Variants in LASP1 observed in about 807,000 individuals in gnomAD.
LASP1 encodes LIM and SH3 domain protein 1.
A neutral mutation model predicts 38.6 loss-of-function variants in LASP1; 10 were observed. The ratio of observed to expected loss-of-function variants is 0.26; its 90% CI spans 0.16 to 0.44. The LOEUF (loss-of-function observed/expected upper bound fraction) is 0.44, where lower values mean the gene tolerates loss of function less well. Among genes scored for constraint, LASP1 ranks in the 20% least tolerant of loss-of-function variants. The pLI is 1.00. For missense variants in LASP1, 243 were observed against 375.7 expected (o/e 0.65, Z 2.92); for synonymous variants, 132 against 140.8 (o/e 0.94, Z 0.44).
At chr17:38,897,404 G>A (rs2143786933) in intron 3 of LASP1, among the ~76,000 whole-genome samples, 1 of 152,346 alleles carries the variant, frequency 6.6e-6, no homozygotes, top group South Asian at 2.1e-4. Context: ...GGACAGTGCA[G>A]CCCCCGTGGA....
chr17:38,892,676 A>G (rs1050971914), intron 3 of LASP1, among the ~76,000 whole-genome samples: 1 of 151,822 alleles, frequency 6.6e-6, no homozygotes, highest in East Asian at 1.9e-4. Context: ...CCGGCACCCT[A>G]TCCCCGAGGG....
rs77956100 is a variant in LASP1, at chr17:38,902,594, T to G, written c.357+4075T>G. 7.0e-4 allele frequency among the ~76,000 whole-genome samples: 106 copies of G among 152,252 alleles called. 1 individual carries two copies. The East Asian group carries it at 0.015, about 22-fold the overall frequency. On this transcript the variant is annotated intron_variant, in intron 4 of 6. Coordinates refer to ENST00000318008, the MANE Select transcript of LASP1 (RefSeq NM_006148.4). ...AAATAGGGTGTTTAGAGCCACACCT[T>G]TTGTTTTGTATCCAAAATAGCATTC...
chr17:38,896,806 C>T lies in LASP1; in HGVS notation c.250-1606C>T, dbSNP rs980271157. 3.1e-5 allele frequency: 17 copies of T among 541,622 alleles called. No homozygotes were observed. The East Asian group carries it at 2.0e-3, about 63-fold the overall frequency. The allele number at this position is 541,622 out of a possible 1,614,324, so 33.6% of individuals were successfully genotyped here. On this transcript the variant is annotated intron_variant, in intron 3 of 6. Transcript: ENST00000318008. ...ACTCAGAAGTGGGAGACTGAGCCTG[C>T]GTTAGTGCTAGCTCCGCCTGGCTTT...
At chr17:38,904,185 A>G (rs1914717084) in intron 4 of LASP1, among the ~76,000 whole-genome samples, 1 of 152,204 alleles carries the variant, frequency 6.6e-6, no homozygotes, top group Non-Finnish European at 1.5e-5. Flanking sequence ...ACAGTGTTAA[A>G]AATATAACTC....
At chr17:38,884,404 T>C (rs1346458483) in intron 2 of LASP1, among the ~76,000 whole-genome samples, 1 of 151,506 alleles carries the variant, frequency 6.6e-6, no homozygotes, top group African/African-American at 2.4e-5. Flanking sequence ...TTTTATTTTT[T>C]GAGACAGAGT....
chr17:38,876,022 G>A (rs1376700878), intron 1 of LASP1, among the ~76,000 whole-genome samples: 1 of 152,072 alleles, frequency 6.6e-6, no homozygotes, highest in Non-Finnish European at 1.5e-5. Flanking sequence ...TCCTGGCAGT[G>A]GACCCCTGTT....
chr17:38,919,039 G>GCCCGT lies in LASP1; in HGVS notation c.*261_*262insCCCGT. The GCCCGT allele has an allele frequency of 4.0e-5, 4 of 99,254 alleles. No homozygotes were observed. The highest frequency in any genetic ancestry group is 5.1e-5 in the Non-Finnish European group (3 of 58,556). The allele number at this position is 99,254 out of a possible 1,614,324, so 6.1% of individuals were successfully genotyped here. A position where few individuals can be genotyped will look rare whatever the true frequency, so the allele number is the denominator to read the frequency against. On this transcript the variant is annotated 3_prime_UTR_variant, in exon 7 of 7. Coordinates refer to ENST00000318008, the MANE Select transcript of LASP1 (RefSeq NM_006148.4). ...GCATGGGCCTCTCTGGGGGAGGCAG[G>GCCCGT]GCTGGAATGGGAGACCTGTTGGCCT...
chr17:38,902,907 T>G (rs1659464323), intron 4 of LASP1, among the ~76,000 whole-genome samples: 1 of 152,128 alleles, frequency 6.6e-6, no homozygotes, highest in Non-Finnish European at 1.5e-5. Context: ...TTTGCCATAT[T>G]GGCTCGGCTG....
intron 2 of LASP1, among the ~76,000 whole-genome samples, chr17:38,883,507 C>G (rs1914011119): frequency 6.6e-6 from 1 of 152,184 alleles, no homozygotes; most frequent in African/African-American, 2.4e-5. Flanking sequence ...CTAGGGATGA[C>G]AGTGTGGGGG....
intron 4 of LASP1, among the ~76,000 whole-genome samples, chr17:38,909,905 G>T (rs865963268): frequency 2.6e-5 from 4 of 152,084 alleles, no homozygotes; most frequent in African/African-American, 9.7e-5. Flanking sequence ...CCACCACCAT[G>T]CCTGATTAAG....
chr17:38,893,590 C>CT (rs1914402486), intron 3 of LASP1, among the ~76,000 whole-genome samples: 2 of 152,098 alleles, frequency 1.3e-5, no homozygotes, highest in Admixed American at 6.5e-5. Flanking sequence ...GGGTACTGCC[C>CT]TTTTTGCAGG....
chr17:38,909,625 A>C (rs1395944312), intron 4 of LASP1, among the ~76,000 whole-genome samples: 1 of 152,028 alleles, frequency 6.6e-6, no homozygotes, highest in Non-Finnish European at 1.5e-5. Flanking sequence ...AAAAGAAAGA[A>C]AAGTGAAGAG....
Position 38,919,055 on chromosome 17 carries a change from C to A in LASP1, c.*277C>A, listed in dbSNP as rs1915222410. 6 of 249,352 alleles carry A rather than the reference C, an allele frequency of 2.4e-5. No homozygotes were observed. The highest frequency in any genetic ancestry group is 2.1e-5 in the Non-Finnish European group (3 of 139,750). The allele number at this position is 249,352 out of a possible 1,614,324, so 15.4% of individuals were successfully genotyped here. A position where few individuals can be genotyped will look rare whatever the true frequency, so the allele number is the denominator to read the frequency against. ...GGGAGGCAGGGCTGGAATGGGAGAC[C>A]TGTTGGCCTGTGGGCCTCACCTGCC... On this transcript the variant is annotated 3_prime_UTR_variant, in exon 7 of 7. Coordinates refer to ENST00000318008, the MANE Select transcript of LASP1 (RefSeq NM_006148.4).
At chr17:38,876,421 C>T (rs987199768) in intron 1 of LASP1, among the ~76,000 whole-genome samples, 12 of 152,008 alleles carry the variant, frequency 7.9e-5, no homozygotes, top group African/African-American at 2.9e-4. Flanking sequence ...AGTGCAGTGG[C>T]ATGATCTCAG....
At chr17:38,881,203 C>T (rs953829255) in intron 2 of LASP1, among the ~76,000 whole-genome samples, 5 of 152,170 alleles carry the variant, frequency 3.3e-5, no homozygotes, top group Non-Finnish European at 5.9e-5. Context: ...ATGTGCCAGA[C>T]GCTAGGCCGA....
At chr17:38,902,456 C>A (rs1459225508) in intron 4 of LASP1, among the ~76,000 whole-genome samples, 1 of 149,428 alleles carries the variant, frequency 6.7e-6, no homozygotes, top group African/African-American at 2.5e-5. Context: ...ATCCGCCCAC[C>A]TCGGCCTCCC....
chr17:38,873,172 T>A (rs1222062639), intron 1 of LASP1, among the ~76,000 whole-genome samples: 1 of 152,150 alleles, frequency 6.6e-6, no homozygotes, highest in South Asian at 2.1e-4. Flanking sequence ...CTGCTGCCAG[T>A]TCCCCTGGAA....
chr17:38,878,217 C>T (rs903461585), intron 2 of LASP1, 37 bp downstream of exon 2: 4 of 1,417,972 alleles, frequency 2.8e-6, no homozygotes, highest in Non-Finnish European at 4.0e-6. Context: ...GGGTGGGCAC[C>T]TTGGCTCCCT....
chr17:38,906,494 A>G (rs1221480360), intron 4 of LASP1, among the ~76,000 whole-genome samples: 1 of 152,074 alleles, frequency 6.6e-6, no homozygotes, highest in African/African-American at 2.4e-5. Context: ...GCACCACTGC[A>G]CTCCATCCTG....
Sources: allele counts gnomAD v4.1 joint callset (sites outside exome capture counted in the v4.1 genomes callset), GRCh38; gene constraint gnomAD v4.1.1; transcripts MANE v1.5; gene names NCBI Gene and HGNC (gene_info 2026-07-23, HGNC 2026-07-21).